The following PLA2G4C variants were observed in gnomAD, a reference collection of about 807,000 sequenced individuals.
PLA2G4C encodes phospholipase A2 group IVC.
Under a neutral mutation model 73.8 loss-of-function variants are expected in PLA2G4C, and 64 were observed. The ratio of observed to expected loss-of-function variants is 0.87; its 90% CI spans 0.71 to 1.07. The LOEUF (loss-of-function observed/expected upper bound fraction) is 1.07, where lower values mean the gene tolerates loss of function less well. Ranked by LOEUF, PLA2G4C falls within the 50% of genes least tolerant of loss-of-function variation. PLA2G4C has a pLI of 0.00. For synonymous variants in PLA2G4C, 254 were observed against 252.1 expected (o/e 1.01, Z -0.07); for missense variants, 622 against 665.4 (o/e 0.93, Z 0.72).
rs2032079360 is a variant in PLA2G4C at position 48,104,688 on chromosome 19, GTCC to G, written c.154_156del (p.Gly52del). The G allele has an allele frequency of 6.2e-7, 1 of 1,614,128 alleles. No individual in the cohort carries two copies. Among genetic ancestry groups the G allele is most frequent in the Non-Finnish European group, 8.5e-7 (1 of 1,180,014 alleles). ...CCAAGGCAGGCAATGTGAGCCCGCA[GTCC>G]TCCGCCTGAGCCCAGCACAGCAACA... On this transcript the variant is annotated inframe_deletion, in exon 4 of 17. Transcript: ENST00000599921.
chr19:48,086,217 G>A (rs2030967071), intron 9 of PLA2G4C, among the ~76,000 whole-genome samples: 1 of 152,142 alleles, frequency 6.6e-6, no homozygotes. Flanking sequence ...TTATGACTTG[G>A]GGGCATTTGC....
At chr19:48,106,881 G>C (rs1568458615) in intron 1 of PLA2G4C, among the ~76,000 whole-genome samples, 1 of 152,078 alleles carries the variant, frequency 6.6e-6, no homozygotes, top group Non-Finnish European at 1.5e-5. Flanking sequence ...TTTCCCTCTT[G>C]TTGACCAGGC....
At chr19:48,089,150 G>C (rs10414624) in intron 8 of PLA2G4C, among the ~76,000 whole-genome samples, 1 of 152,064 alleles carries the variant, frequency 6.6e-6, no homozygotes, top group Non-Finnish European at 1.5e-5. Flanking sequence ...ACATCAGCCC[G>C]GGCGTGGTGG....
chr19:48,101,431 G>A (rs558123512), intron 4 of PLA2G4C, among the ~76,000 whole-genome samples: 51 of 151,948 alleles, frequency 3.4e-4, no homozygotes, highest in African/African-American at 6.8e-4. Context: ...CACCGTGCCC[G>A]GGCTCAATAA....
chr19:48,096,301 G>T (rs1047530738), intron 6 of PLA2G4C, among the ~76,000 whole-genome samples: 2 of 152,188 alleles, frequency 1.3e-5, no homozygotes, highest in African/African-American at 4.8e-5. Flanking sequence ...AAACATTCAT[G>T]GCCGGGCGTG....
At chr19:48,082,179 C>T (rs1195089256) in intron 10 of PLA2G4C, among the ~76,000 whole-genome samples, 2 of 151,524 alleles carry the variant, frequency 1.3e-5, no homozygotes, top group East Asian at 3.9e-4. Flanking sequence ...CATAATTCAT[C>T]GTGTAACAGA....
At chr19:48,090,581 C>T (rs2031238366) in intron 7 of PLA2G4C, 164 bp from the exon 8 acceptor site, 1 of 634,154 alleles carries the variant, frequency 1.6e-6, no homozygotes, top group South Asian at 1.8e-5. Context: ...TTAGTGGGCA[C>T]CCGGCACTCT....
chr19:48,092,966 A>T (rs572240527), intron 7 of PLA2G4C, among the ~76,000 whole-genome samples: 1 of 152,218 alleles, frequency 6.6e-6, no homozygotes, highest in South Asian at 2.1e-4. Context: ...CTGGTGTGTG[A>T]GGGGAGGGAT....
rs754481101 is a variant in PLA2G4C, at chr19:48,077,822, G to A, written c.847C>T (p.Arg283Ter). ...GAACTTTCTTGCAGCCTCAGTAATC[G>A]GGCTGCAAAAGAGCAGAGGCAGGGG... is the stretch of plus-strand genomic sequence containing the variant. The part of the protein sequence containing the change: ...AKSIGHLIFA[R>*]LLRLQESSQG... Residue 283 changes from arginine to a stop codon, truncating the protein, a stop_gained and splice_region_variant, in exon 11 of 17, where the codon CGA becomes TGA. Transcript: ENST00000599921. LOFTEE classifies it high-confidence loss of function. 54 of 1,605,124 alleles carry A rather than the reference G, an allele frequency of 3.4e-5. No homozygotes were observed. The highest frequency in any genetic ancestry group is 6.7e-5 in the African/African-American group (5 of 74,376).
At chr19:48,105,258 G>T in intron 3 of PLA2G4C, 75 bp downstream of exon 3, 1 of 913,088 alleles carries the variant, frequency 1.1e-6, no homozygotes, top group Non-Finnish European at 1.7e-6. Flanking sequence ...CTCCCTGGCT[G>T]AGTTGGGCCC....
At chr19:48,087,143 T>C (rs1398243449) in intron 9 of PLA2G4C, among the ~76,000 whole-genome samples, 2 of 152,208 alleles carry the variant, frequency 1.3e-5, no homozygotes, top group South Asian at 2.1e-4. Flanking sequence ...GAACACCCCA[T>C]GGGACAAAAG....
chr19:48,091,264 C>A (rs2031279901), intron 7 of PLA2G4C, among the ~76,000 whole-genome samples: 1 of 152,080 alleles, frequency 6.6e-6, no homozygotes, highest in Non-Finnish European at 1.5e-5. Flanking sequence ...CGGCTCACTG[C>A]AACCTCTGCC....
chr19:48,079,687 G>A (rs900561221), intron 10 of PLA2G4C, among the ~76,000 whole-genome samples: 11 of 152,178 alleles, frequency 7.2e-5, no homozygotes, highest in African/African-American at 9.7e-5. Context: ...TAAACATATG[G>A]ATATATGGGA....
At chr19:48,080,791 G>A (rs562729939) in intron 10 of PLA2G4C, among the ~76,000 whole-genome samples, 6 of 142,840 alleles carry the variant, frequency 4.2e-5, no homozygotes, top group African/African-American at 1.6e-4. Context: ...GCAACAGAGC[G>A]AGACTCTGCC....
intron 7 of PLA2G4C, 89 bp downstream of exon 7, chr19:48,095,375 A>C: frequency 2.4e-6 from 3 of 1,240,142 alleles, no homozygotes; most frequent in Non-Finnish European, 3.5e-6. Flanking sequence ...GAAATTTAAG[A>C]GCTGGGCAAA....
rs1473155524 is a variant in PLA2G4C, at chr19:48,062,264, CA to C, written c.1103-113del. 3 of 948,960 alleles carry C rather than the reference CA, an allele frequency of 3.2e-6. No individual in the cohort carries two copies. In the East Asian group the frequency reaches 9.0e-5, roughly 28 times the overall value. 58.8% of individuals were successfully genotyped at this position (948,960 alleles called of 1,614,324 possible). A position where few individuals can be genotyped will look rare whatever the true frequency, so the allele number is the denominator to read the frequency against. Reference sequence around the variant, plus strand: ...AAATGATCGTTGTCAGTGTAGACAGCAGTTGTGAGGTTGCCAACTAGGAGCT... The same window carrying C: ...AAATGATCGTTGTCAGTGTAGACAGCGTTGTGAGGTTGCCAACTAGGAGCT... On this transcript the variant is annotated intron_variant, in intron 13 of 16. Transcript: ENST00000599921.
At chr19:48,091,569 T>C (rs1651363) in intron 7 of PLA2G4C, among the ~76,000 whole-genome samples, 14,125 of 152,048 alleles carry the variant, frequency 0.093, 1,399 homozygotes, top group African/African-American at 0.25. Context: ...CCAAACACAT[T>C]TGTATATGAT....
In PLA2G4C at chr19:48,072,276, G is replaced by A. The variant is rs1286323437; in HGVS notation, c.1006+2491C>T. 1.3e-5 allele frequency: 2 copies of A among 152,242 alleles called. No homozygotes were observed. The highest frequency in any genetic ancestry group is 2.4e-5 in the African/African-American group (1 of 41,432). 9.4% of individuals were successfully genotyped at this position (152,242 alleles called of 1,614,324 possible). A position where few individuals can be genotyped will look rare whatever the true frequency, so the allele number is the denominator to read the frequency against. On this transcript the variant is annotated intron_variant, in intron 12 of 16. Coordinates refer to ENST00000599921, the MANE Select transcript of PLA2G4C (RefSeq NM_003706.3). The surrounding 1 kb of genome is among the most constrained non-coding windows in gnomAD (Gnocchi z 4.4). ...AGCTCACTGCAGCCTCCAACTCCTG[G>A]GCTTAAGGAATCCTCCCACCTCAGC...
chr19:48,075,257 C>A (rs958840000), intron 11 of PLA2G4C, among the ~76,000 whole-genome samples: 2 of 151,490 alleles, frequency 1.3e-5, no homozygotes, highest in Non-Finnish European at 2.9e-5. Flanking sequence ...AATCTCAGCT[C>A]ACTGCAACCT....
Sources: gnomAD v4.1 joint callset for allele counts (sites outside exome capture counted in the v4.1 genomes callset) on GRCh38, gnomAD v4.1.1 for gene constraint, Gnocchi (gnomAD v3.1) non-coding constraint, MANE v1.5 for transcripts, NCBI Gene and HGNC (gene_info 2026-07-23, HGNC 2026-07-21) for gene names.